Variants in VIT observed in about 807,000 individuals in gnomAD.
VIT encodes the protein vitrin.
Under a neutral mutation model 78.0 loss-of-function variants are expected in VIT, and 99 were observed. The ratio of observed to expected loss-of-function variants is 1.27; its 90% CI spans 1.08 to 1.50. The LOEUF is 1.50. VIT is among the 40% of genes most tolerant of loss of function. VIT has a pLI of 0.00. For missense variants in VIT, 1,126 were observed against 875.3 expected, an observed-to-expected ratio of 1.29 and a Z score of -3.61; for synonymous variants, 374 against 334.3, an observed-to-expected ratio of 1.12 and a Z score of -1.29.
chr2:36,799,405 G>C (rs1306307038), intron 12 of VIT, among the ~76,000 whole-genome samples: 1 of 152,114 alleles, frequency 6.6e-6, no homozygotes, highest in Non-Finnish European at 1.5e-5. Context: ...GGTGTTTGTA[G>C]AAAGGCTACT....
At chr2:36,738,074 A>T (rs1159720648) in intron 3 of VIT, among the ~76,000 whole-genome samples, 1 of 152,220 alleles carries the variant, frequency 6.6e-6, no homozygotes, top group African/African-American at 2.4e-5. Context: ...TTTGGGGTAA[A>T]TGCACAGATG....
chr2:36,745,857 G>C (rs1451836711), intron 4 of VIT, among the ~76,000 whole-genome samples: 1 of 152,162 alleles, frequency 6.6e-6, no homozygotes, highest in Non-Finnish European at 1.5e-5. Context: ...TAGGAGTGGT[G>C]AGAGTGAACA....
intron 2 of VIT, among the ~76,000 whole-genome samples, chr2:36,718,804 G>A (rs1421155873): frequency 6.6e-6 from 1 of 152,166 alleles, no homozygotes; most frequent in Non-Finnish European, 1.5e-5. Flanking sequence ...TACAATTGCT[G>A]TATATGCCTG....
At chr2:36,736,579 A>G (rs1003943095) in intron 3 of VIT, among the ~76,000 whole-genome samples, 1 of 152,216 alleles carries the variant, frequency 6.6e-6, no homozygotes, top group Non-Finnish European at 1.5e-5. Context: ...AGGTGAGATC[A>G]CATTATGCAG....
intron 12 of VIT, among the ~76,000 whole-genome samples, chr2:36,790,533 A>T (rs1221560622): frequency 1.3e-5 from 2 of 152,202 alleles, no homozygotes; most frequent in Non-Finnish European, 2.9e-5. Context: ...ACCTGTCAGC[A>T]ACCACAGCAT....
chr2:36,778,494 G>C (rs1670203788), intron 9 of VIT, among the ~76,000 whole-genome samples: 2 of 152,194 alleles, frequency 1.3e-5, no homozygotes, highest in Admixed American at 6.5e-5. Context: ...AGCTTCACTG[G>C]TCTGGAAACC....
Position 36,774,994 on chromosome 2 carries a change from C to A in VIT, c.737-8C>A, listed in dbSNP as rs139632519. On this transcript the variant is annotated splice_polypyrimidine_tract_variant and splice_region_variant and intron_variant, in intron 8 of 15. Transcript: ENST00000379242. ...TGTAAATCGGCTGACCCTGTGTAAT[C>A]CCCTCAGGTATCCAAAGGCAAGATC... The A allele has an allele frequency of 1.9e-6, 3 of 1,614,072 alleles. No homozygotes were observed. Among genetic ancestry groups the A allele is most frequent in the East Asian group, 4.5e-5 (2 of 44,874 alleles).
chr2:36,737,800 A>G (rs1667598420), intron 3 of VIT, among the ~76,000 whole-genome samples: 1 of 152,204 alleles, frequency 6.6e-6, no homozygotes, highest in Non-Finnish European at 1.5e-5. Flanking sequence ...ACTTGTAAGT[A>G]ATCCCCAGTG....
intron 12 of VIT, among the ~76,000 whole-genome samples, chr2:36,800,269 C>T (rs929432115): frequency 4.6e-5 from 7 of 152,044 alleles, no homozygotes; most frequent in South Asian, 4.1e-4. Context: ...TGCTTGAACC[C>T]GGGCGGCAGA....
At chr2:36,812,919 G>A (rs1242017714) in intron 15 of VIT, among the ~76,000 whole-genome samples, 3 of 145,288 alleles carry the variant, frequency 2.1e-5, no homozygotes, top group Non-Finnish European at 3.0e-5. Context: ...GGAGTGCAGC[G>A]GTGCCATCTC....
At chr2:36,746,724 A>G (rs1020219962) in intron 4 of VIT, among the ~76,000 whole-genome samples, 2 of 152,060 alleles carry the variant, frequency 1.3e-5, no homozygotes, top group African/African-American at 4.8e-5. Flanking sequence ...TGGTCTATCA[A>G]TCTTGTTTAT....
chr2:36,743,021 T>C, intron 3 of VIT, 79 bp from the exon 4 acceptor site: 3 of 1,562,308 alleles, frequency 1.9e-6, no homozygotes, highest in East Asian at 2.3e-5. Flanking sequence ...ATTAAGTCAA[T>C]AGTTGAGACC....
intron 6 of VIT, among the ~76,000 whole-genome samples, chr2:36,766,633 G>A (rs1669447105): frequency 6.6e-6 from 1 of 152,166 alleles, no homozygotes; most frequent in African/African-American, 2.4e-5. Flanking sequence ...GAGTTGACTA[G>A]TCATGAACCA....
rs1192641160 is a variant in VIT at position 36,810,696 on chromosome 2, C to T, written c.1903+1711C>T. Among the ~76,000 whole-genome samples the T allele has an allele frequency of 6.0e-5, 9 of 151,144 alleles. No homozygotes were observed. The South Asian group carries it at 1.1e-3, about 18-fold the overall frequency. On this transcript the variant is annotated intron_variant, in intron 15 of 15. Coordinates refer to ENST00000379242, the MANE Select transcript of VIT (RefSeq NM_053276.4). Reference sequence around the variant, plus strand: ...TCACCCAGACTGGAGTGCAGTAGCACGATCTCTACTCATTGCAACCTCTGC... The same window carrying T: ...TCACCCAGACTGGAGTGCAGTAGCATGATCTCTACTCATTGCAACCTCTGC...
intron 1 of VIT, among the ~76,000 whole-genome samples, chr2:36,709,462 A>G (rs561382018): frequency 3.9e-5 from 6 of 152,248 alleles, no homozygotes; most frequent in Non-Finnish European, 5.9e-5. Context: ...GTTATGATGC[A>G]TGCATGCCAG....
intron 12 of VIT, chr2:36,787,903 T>A (rs937260143): frequency 4.5e-6 from 2 of 443,342 alleles, no homozygotes; most frequent in South Asian, 3.2e-5. Context: ...ACCTGCTCTA[T>A]TATTATACTT....
intron 12 of VIT, among the ~76,000 whole-genome samples, chr2:36,797,498 T>C (rs1665990995): frequency 6.6e-6 from 1 of 152,204 alleles, no homozygotes; most frequent in Non-Finnish European, 1.5e-5. Flanking sequence ...CACTGCTGGA[T>C]GACTGAGTGA....
At position 36,781,729 on chromosome 2, in the gene VIT, G is replaced by C; in HGVS notation, c.805G>C (p.Glu269Gln). The change falls in exon 10 of 16, where the codon GAG (glutamate) becomes CAG (glutamine). Residue 269 changes from glutamate (E) to glutamine (Q), a missense_variant and splice_region_variant. Glu to Gln is a conservative substitution (Grantham distance 29). Transcript: ENST00000379242. ...KPVGADVSLGEMDSWKPGSVL... is the reference protein window; with the variant it reads ...KPVGADVSLGQMDSWKPGSVL... ...TTCTTTTCAATTTTGAAAATCAGGA[G>C]AGATGGACTCATGGAAACCTGGATC... 6.2e-7 allele frequency: 1 copy of C among 1,614,174 alleles called. No homozygotes were observed.
chr2:36,805,930 G>C (rs922530002), intron 14 of VIT, among the ~76,000 whole-genome samples: 3 of 151,990 alleles, frequency 2.0e-5, no homozygotes, highest in Non-Finnish European at 4.4e-5. Flanking sequence ...CCCCAGGGGG[G>C]GTCTCACCCA....
Sources: allele counts gnomAD v4.1 joint callset (sites outside exome capture counted in the v4.1 genomes callset), GRCh38; gene constraint gnomAD v4.1.1; transcripts MANE v1.5; gene names NCBI Gene and HGNC (gene_info 2026-07-23, HGNC 2026-07-21).